VPS52: variants seen among roughly 807,000 people sequenced by gnomAD.
VPS52 encodes vacuolar protein sorting-associated protein 52 homolog.
A neutral mutation model predicts 98.7 loss-of-function variants in VPS52; 56 were observed. The ratio of observed to expected loss-of-function variants is 0.57; its 90% CI spans 0.46 to 0.71. VPS52 has a LOEUF of 0.71. Ranked by LOEUF, VPS52 falls within the 30% of genes least tolerant of loss-of-function variation. VPS52 has a pLI of 0.00. For synonymous variants in VPS52, 348 were observed against 346.4 expected (o/e 1.00, Z -0.05); for missense variants, 742 against 925.9 (o/e 0.80, Z 2.58).
intron 17 of VPS52, among the ~76,000 whole-genome samples, chr6:33,260,566 T>G (rs1011243464): frequency 6.6e-6 from 1 of 152,238 alleles, no homozygotes; most frequent in African/African-American, 2.4e-5. Context: ...GTGCTTCTCG[T>G]GCACAGGTAC....
At chr6:33,264,133 C>T (rs374574456) in intron 14 of VPS52, 30 bp from the exon 15 acceptor site, 1 of 1,609,980 alleles carries the variant, frequency 6.2e-7, no homozygotes, top group African/African-American at 1.3e-5. Context: ...AAAATCACAC[C>T]CACCTCCTGG....
intron 17 of VPS52, among the ~76,000 whole-genome samples, chr6:33,255,522 A>C (rs568007257): frequency 9.8e-5 from 14 of 142,712 alleles, no homozygotes; most frequent in Admixed American, 2.2e-4. Flanking sequence ...CATGGTGGCT[A>C]ACACCTGTAA....
intron 17 of VPS52, among the ~76,000 whole-genome samples, chr6:33,254,110 T>C (rs1762647191): frequency 6.6e-6 from 1 of 151,934 alleles, no homozygotes; most frequent in Admixed American, 6.6e-5. Flanking sequence ...TAAAAATAAA[T>C]TATTAATACT....
Position 33,267,577 on chromosome 6 carries a change from G to T in VPS52, c.991+105C>A. The T allele has an allele frequency of 7.2e-7, 1 of 1,387,162 alleles. No individual in the cohort carries two copies. The highest frequency in any genetic ancestry group is 1.0e-6 in the Non-Finnish European group (1 of 999,536). 85.9% of individuals were successfully genotyped at this position (1,387,162 alleles called of 1,614,324 possible). A position where few individuals can be genotyped will look rare whatever the true frequency, so the allele number is the denominator to read the frequency against. On this transcript the variant is annotated intron_variant, in intron 10 of 19. Coordinates refer to ENST00000445902, the MANE Select transcript of VPS52 (RefSeq NM_022553.6). The surrounding 1 kb of genome is among the most constrained non-coding windows in gnomAD (Gnocchi z 4.2). Reference sequence around the variant, plus strand: ...TATAGCTTTCATCACATTCTAAAAGGTTTCAGTCCCATAGGAAAAGGTAAG... The same window carrying T: ...TATAGCTTTCATCACATTCTAAAAGTTTTCAGTCCCATAGGAAAAGGTAAG...
chr6:33,260,639 T>G lies in VPS52; in HGVS notation c.1794+2845A>C, dbSNP rs1763520622. ...TTTTTCCCCCTTTTTTTGTGTGTGT[T>G]CTTGCTTTTAAAAGTAAAGCTATAT... is the stretch of plus-strand genomic sequence containing the variant. On this transcript the variant is annotated intron_variant, in intron 17 of 19. Transcript: ENST00000445902. Among the ~76,000 whole-genome samples the G allele has an allele frequency of 2.0e-5, 3 of 152,098 alleles. No individual in the cohort carries two copies. The South Asian group carries it at 6.2e-4, about 32-fold the overall frequency.
chr6:33,264,492 C>G lies in VPS52; in HGVS notation c.1406G>C (p.Trp469Ser), dbSNP rs1000730962. The change falls in exon 14 of 20, where the codon TGG becomes TCG. Residue 469 changes from tryptophan to serine, a missense_variant. Trp to Ser is a radical substitution (Grantham distance 177). Transcript: ENST00000445902. ...CCATAGCAAGGCAAGCACCTGTTCC[C>G]AGTACCTGTGGGCTTAATCAGAATC... Reference protein sequence around the residue: ...KRDVPALDRYWEQVLALLWPR... With the variant: ...KRDVPALDRYSEQVLALLWPR... 3 of 1,614,108 alleles carry G rather than the reference C, an allele frequency of 1.9e-6. No homozygotes were observed. The highest frequency in any genetic ancestry group is 2.5e-6 in the Non-Finnish European group (3 of 1,180,022).
At chr6:33,269,842 G>A (rs1206942322) in intron 3 of VPS52, 23 bp from the exon 4 acceptor site, 3 of 1,610,776 alleles carry the variant, frequency 1.9e-6, no homozygotes, top group African/African-American at 2.7e-5. Context: ...AAAGATGACA[G>A]GTCAGAAGGA....
Position 33,266,670 on chromosome 6 carries a change from G to C in VPS52, c.1168C>G (p.Leu390Val). 6.2e-7 allele frequency: 1 copy of C among 1,612,896 alleles called. No individual in the cohort carries two copies. The highest frequency in any genetic ancestry group is 8.5e-7 in the Non-Finnish European group (1 of 1,179,950). ...AGGTATTCGCGGCAGGAATTGTCTA[G>C]GAGGGCGTAGTGCTGGCTGCGGAAG... ...ALFRSQHYAL[L>V]DNSCREYLFI... is the part of the protein sequence containing the mutation. The change falls in exon 12 of 20, where the codon CTA becomes GTA. Residue 390 changes from leucine (L) to valine (V), a missense_variant. Transcript: ENST00000445902.
At chr6:33,263,915 G>T (rs1233257686) in intron 15 of VPS52, 36 bp from the exon 16 acceptor site, 1 of 1,613,480 alleles carries the variant, frequency 6.2e-7, no homozygotes, top group Non-Finnish European at 8.5e-7. Flanking sequence ...ACACCAGAAA[G>T]CAAGGTCATC....
rs919575555 is a variant in VPS52 at position 33,271,633 on chromosome 6, C to A, written c.43G>T (p.Val15Leu). 2 of 1,611,754 alleles carry A rather than the reference C, an allele frequency of 1.2e-6. No individual in the cohort carries two copies. The highest frequency in any genetic ancestry group is 2.2e-5 in the East Asian group (1 of 44,798). The change falls in exon 1 of 20, where the codon GTG becomes TTG. Residue 15 changes from valine to leucine, a missense_variant. Coordinates refer to ENST00000445902, the MANE Select transcript of VPS52 (RefSeq NM_022553.6). ...ATMAAAAREL[V>L]LRAGTSDMEE... is the part of the protein sequence containing the mutation. ...ATATCTGAGGTCCCAGCCCGCAACA[C>A]CAGTTCCCGGGCCGCAGCCGCCATG...
Position 33,270,063 on chromosome 6 carries a change from A to C in VPS52, c.176-12T>G, listed in dbSNP as rs1764816584. The C allele has an allele frequency of 6.2e-7, 1 of 1,614,070 alleles. No individual in the cohort carries two copies. The highest frequency in any genetic ancestry group is 8.5e-7 in the Non-Finnish European group (1 of 1,180,048). On this transcript the variant is annotated splice_polypyrimidine_tract_variant and intron_variant, in intron 2 of 19. Transcript: ENST00000445902. The stretch of plus-strand genomic sequence containing the variant: ...TGCCTGAATGTGAACTGGAAATAGA[A>C]GTTTATCATAAGGGTCCAGCTCCAC...
rs777731049 is a variant in VPS52, at chr6:33,271,653, G to A, written c.23C>T (p.Ala8Val). The A allele has an allele frequency of 6.2e-7, 1 of 1,610,038 alleles. No homozygotes were observed. Among genetic ancestry groups the A allele is most frequent in the South Asian group, 1.1e-5 (1 of 90,644 alleles). MAAAATMAAAARELVLRA... is the reference protein window; with the variant it reads MAAAATMVAAARELVLRA... ...CAACACCAGTTCCCGGGCCGCAGCC[G>A]CCATGGTCGCAGCGGCGGCCATTCC... Residue 8 changes from alanine (A) to valine (V), a missense_variant, in exon 1 of 20, where the codon GCG (alanine) becomes GTG (valine). By Grantham distance (64) the Ala-to-Val change is moderately conservative (BLOSUM62 0). Around this residue, in one of 2 missense-constraint regions of VPS52, gnomAD observed 152 missense variants for 132.6 expected, o/e 1.15. Coordinates refer to ENST00000445902, the MANE Select transcript of VPS52 (RefSeq NM_022553.6).
intron 18 of VPS52, 69 bp from the exon 19 acceptor site, chr6:33,251,705 AG>A (rs1376803595): frequency 7.0e-7 from 1 of 1,434,178 alleles, no homozygotes; most frequent in African/African-American, 1.4e-5. Flanking sequence ...GTTCTCCCCA[AG>A]GTATAGCCAT....
chr6:33,250,880 G>A lies in VPS52; in HGVS notation c.2133C>T (p.His711=), dbSNP rs1434609569. The part of the protein sequence containing the change: ...PARAELINIH[H]LMVELKKHKP... Reference sequence around the variant, plus strand: ...TATGCTTCTTGAGCTCCACCATAAGGTGGTGAATGTTGATGAGCTCAGCCC... The same window carrying A: ...TATGCTTCTTGAGCTCCACCATAAGATGGTGAATGTTGATGAGCTCAGCCC... The change falls in exon 20 of 20, where the codon CAC becomes CAT. Residue 711 remains histidine (H), a synonymous_variant. Transcript: ENST00000445902. 1 of 1,612,954 alleles carries A rather than the reference G, an allele frequency of 6.2e-7. No individual in the cohort carries two copies. The highest frequency in any genetic ancestry group is 1.3e-5 in the African/African-American group (1 of 74,924).
At chr6:33,265,172 G>T (rs1390687351) in intron 12 of VPS52, among the ~76,000 whole-genome samples, 7 of 152,068 alleles carry the variant, frequency 4.6e-5, no homozygotes, top group Non-Finnish European at 8.8e-5. Context: ...TGCCTCCCAG[G>T]TTCAAGCAAT....
chr6:33,252,189 C>T (rs991433852), intron 17 of VPS52, among the ~76,000 whole-genome samples: 2 of 152,194 alleles, frequency 1.3e-5, no homozygotes, highest in African/African-American at 4.8e-5. Context: ...TCACTAGACA[C>T]AAAAGAAGGG....
chr6:33,252,032 G>T, intron 17 of VPS52, 61 bp from the exon 18 acceptor site: 1 of 1,405,042 alleles, frequency 7.1e-7, no homozygotes, highest in Non-Finnish European at 1.0e-6. Flanking sequence ...GCCCAATTCT[G>T]GCATCATGAC....
Position 33,251,591 on chromosome 6 carries a change from G to C in VPS52, c.1952C>G (p.Ser651Ter), listed in dbSNP as rs1762244848. ...ATCCTGACTCAGAGATTCCACTGAT[G>C]ATTTCCAGGAACTACCAAAGCCACG... ...LIRGFGSSWKSSVESLSQDVM... is the reference protein window; with the variant it reads ...LIRGFGSSWK Residue 651 changes from serine (S) to a stop codon, truncating the protein, a stop_gained, in exon 19 of 20, where the codon TCA becomes TGA. Transcript: ENST00000445902. LOFTEE classifies it high-confidence loss of function. The C allele has an allele frequency of 1.2e-6, 2 of 1,613,946 alleles. No individual in the cohort carries two copies. Among genetic ancestry groups the C allele is most frequent in the Non-Finnish European group, 1.7e-6 (2 of 1,180,002 alleles).
At chr6:33,266,160 A>ATTTTT (rs9280390) in intron 12 of VPS52, among the ~76,000 whole-genome samples, 1 of 119,656 alleles carries the variant, frequency 8.4e-6, no homozygotes, top group Admixed American at 8.7e-5. Flanking sequence ...GCACCTGGCT[A>ATTTTT]TTTTTTTTTT....
Sources: allele counts gnomAD v4.1 joint callset (sites outside exome capture counted in the v4.1 genomes callset), GRCh38; gene constraint gnomAD v4.1.1; regional missense constraint gnomAD v4.1.1; non-coding constraint Gnocchi (gnomAD v3.1); transcripts MANE v1.5; gene names NCBI Gene and HGNC (gene_info 2026-07-23, HGNC 2026-07-21).